Variants in ANXA11 observed in about 807,000 individuals in gnomAD.
The protein encoded by ANXA11 is annexin A11.
Under a neutral mutation model 64.7 loss-of-function variants are expected in ANXA11, and 57 were observed. The observed-to-expected ratio is 0.88, with a 90% CI of 0.71 to 1.10. The LOEUF (loss-of-function observed/expected upper bound fraction) is 1.10. Among genes scored for constraint, ANXA11 ranks in the 50% least tolerant of loss-of-function variants. The pLI, the probability that ANXA11 is intolerant of heterozygous loss-of-function variation, is 0.00. For missense variants in ANXA11, 675 were observed against 670.7 expected (o/e 1.01, Z -0.07); for synonymous variants, 260 against 265.2 (o/e 0.98, Z 0.19).
chr10:80,196,113 C>T (rs1278776690), intron 1 of ANXA11, among the ~76,000 whole-genome samples: 3 of 152,178 alleles, frequency 2.0e-5, no homozygotes, highest in Admixed American at 2.0e-4. Context: ...TTTCTAACTC[C>T]TAGGATAGAT....
chr10:80,204,665 C>A (rs919634155), intron 1 of ANXA11, among the ~76,000 whole-genome samples: 1 of 152,172 alleles, frequency 6.6e-6, no homozygotes, highest in African/African-American at 2.4e-5. Flanking sequence ...ACCAACAGAC[C>A]ATTTTACCTA....
intron 1 of ANXA11, among the ~76,000 whole-genome samples, chr10:80,184,178 A>T (rs1271608605): frequency 2.0e-5 from 3 of 152,158 alleles, no homozygotes; most frequent in South Asian, 2.1e-4. Context: ...AATCCCAGAC[A>T]TCATATATTA....
chr10:80,185,191 T>C (rs1846495506), intron 1 of ANXA11, among the ~76,000 whole-genome samples: 1 of 152,206 alleles, frequency 6.6e-6, no homozygotes. Context: ...ATTTTCACTA[T>C]AAGTCTGTTT....
chr10:80,168,958 C>T lies in ANXA11; in HGVS notation c.561+11G>A. 1 of 1,516,674 alleles carries T rather than the reference C, an allele frequency of 6.6e-7. No homozygotes were observed. Among genetic ancestry groups the T allele is most frequent in the Non-Finnish European group, 8.8e-7 (1 of 1,137,382 alleles). 94.0% of individuals were successfully genotyped at this position (1,516,674 alleles called of 1,614,324 possible). A position where few individuals can be genotyped will look rare whatever the true frequency, so the allele number is the denominator to read the frequency against. The stretch of plus-strand genomic sequence containing the variant: ...GGCCTGGACCAAGGGAGGCAGTGGG[C>T]TGACACTCACCTGGGTTGGGGGCAC... On this transcript the variant is annotated intron_variant, in intron 5 of 15. Transcript: ENST00000422982.
At chr10:80,170,998 C>A in intron 3 of ANXA11, 83 bp from the exon 4 acceptor site, 1 of 1,518,094 alleles carries the variant, frequency 6.6e-7, no homozygotes. Context: ...CCCAGGTGGT[C>A]AGAAAGGGAG....
intron 1 of ANXA11, among the ~76,000 whole-genome samples, chr10:80,188,480 C>CATACAT (rs1846632070): frequency 9.9e-6 from 1 of 100,576 alleles, no homozygotes; most frequent in Non-Finnish European, 2.1e-5. Context: ...AGTATTCTCA[C>CATACAT]ATATATATAT....
At chr10:80,164,860 G>A (rs1016499318) in intron 8 of ANXA11, among the ~76,000 whole-genome samples, 2 of 152,258 alleles carry the variant, frequency 1.3e-5, no homozygotes, top group Non-Finnish European at 2.9e-5. Flanking sequence ...CTTAGGGCCT[G>A]TCAGGCAGGA....
rs1845816975 is a variant in ANXA11 at position 80,168,072 on chromosome 10, C to A, written c.562-759G>T. Among the ~76,000 whole-genome samples, 3 of 152,122 alleles carry A rather than the reference C, an allele frequency of 2.0e-5. No individual in the cohort carries two copies. The South Asian group carries it at 6.2e-4, about 32-fold the overall frequency. On this transcript the variant is annotated intron_variant, in intron 5 of 15. Coordinates refer to ENST00000422982, the MANE Select transcript of ANXA11 (RefSeq NM_145868.2). ...AGGAGACCCTCTGTCTAAAAATAGT[C>A]ATTGAGCACATACCACTACCCCTGT...
At chr10:80,165,627 G>C (rs1774385521) in intron 8 of ANXA11, among the ~76,000 whole-genome samples, 1 of 152,218 alleles carries the variant, frequency 6.6e-6, no homozygotes, top group South Asian at 2.1e-4. Flanking sequence ...AGACCAGAGA[G>C]ACGTCTGGCC....
At chr10:80,171,582 T>C (rs1289817323) in intron 3 of ANXA11, 6 of 968,020 alleles carry the variant, frequency 6.2e-6, no homozygotes, top group Non-Finnish European at 6.1e-6. Flanking sequence ...AGTGTATGCC[T>C]AGACTGCTGT....
chr10:80,189,039 TC>T, intron 1 of ANXA11, among the ~76,000 whole-genome samples: 1 of 152,112 alleles, frequency 6.6e-6, no homozygotes, highest in Middle Eastern at 3.4e-3. Flanking sequence ...CTCAAAGACA[TC>T]CCCGGTACCT....
intron 1 of ANXA11, among the ~76,000 whole-genome samples, chr10:80,201,186 C>G (rs538098296): frequency 6.6e-6 from 1 of 152,250 alleles, no homozygotes; most frequent in South Asian, 2.1e-4. Context: ...GTGAAGGCAG[C>G]CACATCTCCT....
rs1840631561 is a variant in ANXA11, at chr10:80,205,380, G to A, written c.-95C>T. The A allele has an allele frequency of 1.3e-5, 2 of 152,040 alleles. No homozygotes were observed. The highest frequency in any genetic ancestry group is 1.3e-4 in the Admixed American group (2 of 15,252). 9.4% of individuals were successfully genotyped at this position (152,040 alleles called of 1,614,324 possible). ...ACTCCGGACGCGAGGGGCGAAATGG[G>A]ACGTGGGCGGGAGTGGCTCTCTCCG... On this transcript the variant is annotated 5_prime_UTR_variant, in exon 1 of 16. Coordinates refer to ENST00000422982, the MANE Select transcript of ANXA11 (RefSeq NM_145868.2).
At position 80,166,951 on chromosome 10, in the gene ANXA11, C is replaced by T. The variant is rs898190549; in HGVS notation, c.683G>A (p.Gly228Glu). The T allele has an allele frequency of 6.2e-7, 1 of 1,607,748 alleles. No homozygotes were observed. Among genetic ancestry groups the T allele is most frequent in the Non-Finnish European group, 8.5e-7 (1 of 1,177,736 alleles). Residue 228 changes from glycine to glutamate, a missense_variant, in exon 7 of 16, where the codon GGG (glycine) becomes GAG (glutamate). Gly to Glu is a moderately conservative substitution (Grantham distance 98). Coordinates refer to ENST00000422982, the MANE Select transcript of ANXA11 (RefSeq NM_145868.2). ...TDEQAIIDCLGSRSNKQRQQI... is the reference protein window; with the variant it reads ...TDEQAIIDCLESRSNKQRQQI... ...CTGCCGCTGCTTGTTGGAGCGACTC[C>T]CCAGGCAGTCAATGATGGCCTGCTC...
Position 80,169,304 on chromosome 10 carries a change from CA to C in ANXA11, c.225del (p.Ala77ProfsTer74). ...GGTGGGTAGCCAGCCCCAGGGGCCC[CA>C]GGGTACAGGTTGGGCATGTTGGCTC... ...FGGANMPNLY[P>X]GAPGAGYPPV... On this transcript the variant is annotated frameshift_variant, in exon 5 of 16. Coordinates refer to ENST00000422982, the MANE Select transcript of ANXA11 (RefSeq NM_145868.2). LOFTEE classifies it high-confidence loss of function. The C allele has an allele frequency of 6.2e-7, 1 of 1,611,202 alleles. No homozygotes were observed. Among genetic ancestry groups the C allele is most frequent in the Non-Finnish European group, 8.5e-7 (1 of 1,179,844 alleles).
chr10:80,189,279 C>A (rs1589446731), intron 1 of ANXA11, among the ~76,000 whole-genome samples: 1 of 152,136 alleles, frequency 6.6e-6, no homozygotes, highest in African/African-American at 2.4e-5. Context: ...GGCCAAGTGC[C>A]ACGGAACTCA....
chr10:80,165,119 G>T lies in ANXA11; in HGVS notation c.858+965C>A, dbSNP rs139247115. 8.7e-3 allele frequency among the ~76,000 whole-genome samples: 1,332 copies of T among 152,298 alleles called. 21 individuals carry two copies. The highest frequency in any genetic ancestry group is 0.031 in the African/African-American group (1,268 of 41,570). ...GGAGATGTCTGGGTCCACTCCCTGG[G>T]GCCCCGGGCCATCGCCCTGCCTGAT... On this transcript the variant is annotated intron_variant, in intron 8 of 15. Coordinates refer to ENST00000422982, the MANE Select transcript of ANXA11 (RefSeq NM_145868.2).
At chr10:80,158,369 G>C (rs865777430) in intron 13 of ANXA11, among the ~76,000 whole-genome samples, 5 of 152,146 alleles carry the variant, frequency 3.3e-5, no homozygotes, top group African/African-American at 1.2e-4. Context: ...TCAGGCAGGA[G>C]GGGCAGACTG....
In ANXA11 at chr10:80,152,919, C is replaced by G. The variant is rs888505896; in HGVS notation, c.*2934G>C. 1 of 152,272 alleles carries G rather than the reference C, an allele frequency of 6.6e-6. No individual in the cohort carries two copies. Among genetic ancestry groups the G allele is most frequent in the African/African-American group, 2.4e-5 (1 of 41,468 alleles). 9.4% of individuals were successfully genotyped at this position (152,272 alleles called of 1,614,324 possible). On this transcript the variant is annotated 3_prime_UTR_variant, in exon 16 of 16. Transcript: ENST00000422982. ...GCACACCACGTGGAGCCATGCCCATCCGAGCCCAAGAACATCTGTACAGCG... is the reference window on the plus strand; with the variant it reads ...GCACACCACGTGGAGCCATGCCCATGCGAGCCCAAGAACATCTGTACAGCG...
Sources: gnomAD v4.1 joint callset for allele counts (sites outside exome capture counted in the v4.1 genomes callset) on GRCh38, gnomAD v4.1.1 for gene constraint, MANE v1.5 for transcripts, NCBI Gene and HGNC (gene_info 2026-07-23, HGNC 2026-07-21) for gene names.